The following NRG3 variants were observed in gnomAD, a reference collection of about 807,000 sequenced individuals.
NRG3 encodes neuregulin 3.
NRG3 carries 31 observed loss-of-function variants against 66.9 expected under a neutral mutation model. That is an observed-to-expected ratio of 0.46 (90% CI 0.35 to 0.63). NRG3 has a LOEUF of 0.63. Ranked by LOEUF, NRG3 falls within the 20% of genes least tolerant of loss-of-function variation. NRG3 has a pLI of 0.00. For missense variants in NRG3, 910 were observed against 878.9 expected (o/e 1.04, Z -0.45); for synonymous variants, 393 against 359.4 (o/e 1.09, Z -1.06).
At chr10:82,097,459 TG>T (rs1386349491) in intron 1 of NRG3, among the ~76,000 whole-genome samples, 2 of 147,616 alleles carry the variant, frequency 1.4e-5, no homozygotes, top group Non-Finnish European at 3.0e-5. Context: ...TATATATATC[TG>T]TAATATATAT....
At chr10:81,909,927 C>T (rs963014128) in intron 1 of NRG3, among the ~76,000 whole-genome samples, 2 of 152,092 alleles carry the variant, frequency 1.3e-5, no homozygotes, top group African/African-American at 4.8e-5. Flanking sequence ...AAGGTCTGTC[C>T]TCATGTCATT....
chr10:82,827,558 C>G (rs1429733795), intron 3 of NRG3, among the ~76,000 whole-genome samples: 3 of 152,128 alleles, frequency 2.0e-5, no homozygotes, highest in Non-Finnish European at 4.4e-5. Flanking sequence ...TGTTCTGAAG[C>G]AAAGGGTGGA....
At chr10:82,401,108 A>G (rs191487758) in intron 2 of NRG3, among the ~76,000 whole-genome samples, 3 of 152,304 alleles carry the variant, frequency 2.0e-5, no homozygotes, top group African/African-American at 4.8e-5. Flanking sequence ...CCTGGAATGC[A>G]GAATATCTAT....
intron 3 of NRG3, among the ~76,000 whole-genome samples, chr10:82,774,843 G>GAAGC (rs2059848723): frequency 1.3e-4 from 1 of 7,540 alleles, no homozygotes. Flanking sequence ...TTTTTTTTTT[G>GAAGC]AGATGGAGTC....
At chr10:82,785,270 G>A (rs2060305706) in intron 3 of NRG3, among the ~76,000 whole-genome samples, 1 of 151,324 alleles carries the variant, frequency 6.6e-6, no homozygotes, top group Non-Finnish European at 1.5e-5. Context: ...CGAGTTAATG[G>A]GTGCAGCACA....
At chr10:82,507,178 A>T (rs1350062184) in intron 2 of NRG3, among the ~76,000 whole-genome samples, 1 of 152,158 alleles carries the variant, frequency 6.6e-6, no homozygotes, top group Non-Finnish European at 1.5e-5. Flanking sequence ...GAGGAACAGG[A>T]ATTGAGTTGG....
rs113186607 is a variant in NRG3, at chr10:82,892,030, G to T, written c.1054+26593G>T. On this transcript the variant is annotated intron_variant, in intron 4 of 8. Coordinates refer to ENST00000372141, the MANE Select transcript of NRG3 (RefSeq NM_001010848.4). Reference sequence around the variant, plus strand: ...TTTGTATCATATGATTTATCCTTTAGTTTGTTATTGTAATAGTAAAATTGA... The same window carrying T: ...TTTGTATCATATGATTTATCCTTTATTTTGTTATTGTAATAGTAAAATTGA... Among the ~76,000 whole-genome samples the T allele has an allele frequency of 1.6e-3, 241 of 152,036 alleles. 1 individual carries two copies. Among genetic ancestry groups the T allele is most frequent in the African/African-American group, 5.4e-3 (223 of 41,504 alleles).
At chr10:82,288,220 T>A (rs1226938275) in intron 1 of NRG3, among the ~76,000 whole-genome samples, 1 of 152,188 alleles carries the variant, frequency 6.6e-6, no homozygotes, top group East Asian at 1.9e-4. Context: ...ATTTTACTGT[T>A]TATTGAGAGG....
At chr10:82,421,963 AG>A (rs2089113107) in intron 2 of NRG3, among the ~76,000 whole-genome samples, 1 of 152,132 alleles carries the variant, frequency 6.6e-6, no homozygotes, top group South Asian at 2.1e-4. Context: ...CCCATCAAGT[AG>A]TGCCTGCATT....
At chr10:82,708,716 G>A (rs1404961052) in intron 2 of NRG3, among the ~76,000 whole-genome samples, 1 of 151,940 alleles carries the variant, frequency 6.6e-6, no homozygotes, top group Non-Finnish European at 1.5e-5. Context: ...GGTTGTTTTT[G>A]TTTTAAATTA....
rs1483605084 is a variant in NRG3, at chr10:82,223,680, CACAT to C, written c.824-135055_824-135052del. 3.1e-3 allele frequency among the ~76,000 whole-genome samples: 421 copies of C among 134,498 alleles called. 2 individuals are homozygous for C. Among genetic ancestry groups the C allele is most frequent in the African/African-American group, 0.011 (388 of 35,040 alleles). 88.2% of individuals were successfully genotyped at this position (134,498 alleles called of 152,430 possible). A position where few individuals can be genotyped will look rare whatever the true frequency, so the allele number is the denominator to read the frequency against. ...ACACACACACACACACACACACACA[CACAT>C]ACACACCACCCACGTTCTTCTGGAT... On this transcript the variant is annotated intron_variant, in intron 1 of 8. Coordinates refer to ENST00000372141, the MANE Select transcript of NRG3 (RefSeq NM_001010848.4).
chr10:82,441,601 G>T (rs1052152236), intron 2 of NRG3, among the ~76,000 whole-genome samples: 1 of 152,182 alleles, frequency 6.6e-6, no homozygotes, highest in Non-Finnish European at 1.5e-5. Context: ...CCCGCACAGC[G>T]ATGAGAGAGT....
intron 1 of NRG3, among the ~76,000 whole-genome samples, chr10:81,891,855 C>T (rs1843035801): frequency 6.6e-6 from 1 of 152,078 alleles, no homozygotes; most frequent in Non-Finnish European, 1.5e-5. Flanking sequence ...GCAAAGATTC[C>T]AGGAGGCCAG....
At chr10:82,030,221 G>T (rs2062499821) in intron 1 of NRG3, among the ~76,000 whole-genome samples, 1 of 152,090 alleles carries the variant, frequency 6.6e-6, no homozygotes, top group Admixed American at 6.6e-5. Flanking sequence ...TATCAGGAGA[G>T]ATTCTTACTT....
intron 1 of NRG3, among the ~76,000 whole-genome samples, chr10:82,086,951 C>T (rs1178973508): frequency 6.6e-6 from 1 of 152,072 alleles, no homozygotes; most frequent in Non-Finnish European, 1.5e-5. Context: ...TAAGGCTTAG[C>T]ACAGGTGAAC....
chr10:82,625,789 G>C (rs1169433979), intron 2 of NRG3, among the ~76,000 whole-genome samples: 1 of 152,112 alleles, frequency 6.6e-6, no homozygotes, highest in African/African-American at 2.4e-5. Flanking sequence ...GGTTGATATG[G>C]TCACAATATG....
At chr10:81,920,549 T>A (rs2132863288) in intron 1 of NRG3, among the ~76,000 whole-genome samples, 1 of 152,326 alleles carries the variant, frequency 6.6e-6, no homozygotes, top group Middle Eastern at 3.4e-3. Context: ...CTTTTCAAGC[T>A]TTTCTTCCCA....
chr10:82,044,793 A>G (rs900660725), intron 1 of NRG3, among the ~76,000 whole-genome samples: 4 of 151,962 alleles, frequency 2.6e-5, no homozygotes, highest in African/African-American at 7.3e-5. Flanking sequence ...TTCAACTCCC[A>G]CCTATGAGTG....
chr10:81,991,877 C>G (rs1245663684), intron 1 of NRG3, among the ~76,000 whole-genome samples: 1 of 151,896 alleles, frequency 6.6e-6, no homozygotes, highest in Non-Finnish European at 1.5e-5. Flanking sequence ...TATGTAAATT[C>G]CCAAGAACCA....
Sources: allele counts gnomAD v4.1 joint callset (sites outside exome capture counted in the v4.1 genomes callset), GRCh38; gene constraint gnomAD v4.1.1; transcripts MANE v1.5; gene names NCBI Gene and HGNC (gene_info 2026-07-23, HGNC 2026-07-21).